The following STK32C variants were observed in gnomAD, a reference collection of about 807,000 sequenced individuals.
STK32C encodes the protein serine/threonine-protein kinase 32C.
STK32C carries 31 observed loss-of-function variants against 56.5 expected under a neutral mutation model. The observed-to-expected ratio is 0.55, with a 90% CI of 0.41 to 0.74. The LOEUF (loss-of-function observed/expected upper bound fraction) is 0.74, where lower values mean the gene tolerates loss of function less well. STK32C is among the 30% of genes least tolerant of loss of function. The pLI is 0.00. For missense variants in STK32C, 544 were observed against 676.9 expected (o/e 0.80, Z 2.18); for synonymous variants, 309 against 289.4 (o/e 1.07, Z -0.69).
At chr10:132,298,422 T>C (rs904888621) in intron 1 of STK32C, among the ~76,000 whole-genome samples, 2 of 152,264 alleles carry the variant, frequency 1.3e-5, no homozygotes, top group Admixed American at 6.5e-5. Flanking sequence ...TGAGGACGGC[T>C]GTGGTGGTGT....
At chr10:132,262,242 T>G (rs143159817) in intron 1 of STK32C, among the ~76,000 whole-genome samples, 7 of 152,260 alleles carry the variant, frequency 4.6e-5, no homozygotes, top group African/African-American at 1.7e-4. Flanking sequence ...GCGAGCCACA[T>G]GAGGAAGAAT....
intron 1 of STK32C, among the ~76,000 whole-genome samples, chr10:132,261,005 G>A (rs2064284755): frequency 6.6e-6 from 1 of 152,248 alleles, no homozygotes; most frequent in African/African-American, 2.4e-5. Flanking sequence ...GGGGCTGGGG[G>A]AAGCTGTCCG....
chr10:132,323,633 A>G (rs2066448644), downstream of STK32C, among the ~76,000 whole-genome samples: 1 of 152,206 alleles, frequency 6.6e-6, no homozygotes, highest in African/African-American at 2.4e-5. The surrounding 1 kb of genome is among the most constrained non-coding windows in gnomAD (Gnocchi z 4.8). Context: ...GGTGGGGTGC[A>G]TGGGGATTGG....
chr10:132,264,354 C>G (rs10735664), intron 1 of STK32C, among the ~76,000 whole-genome samples: 120,421 of 152,204 alleles, frequency 0.79, 48,325 homozygotes, highest in African/African-American at 0.87. Flanking sequence ...CATGTGGATG[C>G]CATCACATGG....
At chr10:132,252,642 G>A (rs1251038943) in intron 1 of STK32C, among the ~76,000 whole-genome samples, 1 of 152,226 alleles carries the variant, frequency 6.6e-6, no homozygotes, top group Non-Finnish European at 1.5e-5. Flanking sequence ...CGGCGGGCGT[G>A]GGATGGACGG....
At chr10:132,290,149 G>A (rs1016656416) in intron 1 of STK32C, among the ~76,000 whole-genome samples, 4 of 152,256 alleles carry the variant, frequency 2.6e-5, no homozygotes, top group Admixed American at 2.6e-4. Flanking sequence ...ACCCCAAGAA[G>A]AACCCCGGGA....
chr10:132,322,966 T>G (rs575389592), downstream of STK32C, among the ~76,000 whole-genome samples: 3 of 152,300 alleles, frequency 2.0e-5, no homozygotes, highest in South Asian at 6.2e-4. Flanking sequence ...AAAGAACAGA[T>G]AGCTGGTTCT....
chr10:132,330,287 C>G, intron 1 of STK32C: 1 of 606,708 alleles, frequency 1.6e-6, no homozygotes, highest in Admixed American at 2.7e-5. Context: ...GGAATACGCT[C>G]AAATGGTTAG....
intron 1 of STK32C, among the ~76,000 whole-genome samples, chr10:132,246,559 C>A (rs548861713): frequency 6.6e-6 from 1 of 152,188 alleles, no homozygotes; most frequent in Admixed American, 6.5e-5. Context: ...CTGCGCCCAG[C>A]ATGAGAGCCG....
intron 10 of STK32C, among the ~76,000 whole-genome samples, chr10:132,220,468 T>G (rs943755565): frequency 6.6e-6 from 1 of 152,240 alleles, no homozygotes; most frequent in Non-Finnish European, 1.5e-5. Flanking sequence ...ATTGTGAATA[T>G]CACATTCACA....
rs2064061929 is a variant in STK32C at position 132,255,115 on chromosome 10, G to A, written c.263-9160C>T. On this transcript the variant is annotated intron_variant, in intron 1 of 11. Transcript: ENST00000298630. This position sits in a 1 kb window ranked among gnomAD's most constrained non-coding sequence, Gnocchi z 4.6. ...GTCACAAAGATCAAATGTCACACGTGGTTGAAACACACGCAGAAGTTGATT... is the reference window on the plus strand; with the variant it reads ...GTCACAAAGATCAAATGTCACACGTAGTTGAAACACACGCAGAAGTTGATT... 6.6e-6 allele frequency among the ~76,000 whole-genome samples: 1 copy of A among 152,180 alleles called. No individual in the cohort carries two copies. Among genetic ancestry groups the A allele is most frequent in the African/African-American group, 2.4e-5 (1 of 41,432 alleles).
At chr10:132,221,735 C>T (rs1347867904) in intron 10 of STK32C, among the ~76,000 whole-genome samples, 23 of 136,978 alleles carry the variant, frequency 1.7e-4, no homozygotes, top group Middle Eastern at 5.1e-3. Context: ...GAGGGCTTCA[C>T]ATGGCCGTCC....
At chr10:132,243,454 G>C (rs534999906) in intron 2 of STK32C, among the ~76,000 whole-genome samples, 1 of 152,108 alleles carries the variant, frequency 6.6e-6, no homozygotes, top group African/African-American at 2.4e-5. Context: ...GCGGAGGGCA[G>C]GCTGGACGAA....
In STK32C at chr10:132,225,809, G is replaced by C. The variant is rs540990409; in HGVS notation, c.645-25C>G. On this transcript the variant is annotated intron_variant, in intron 4 of 11. Coordinates refer to ENST00000298630, the MANE Select transcript of STK32C (RefSeq NM_173575.4). ...TCTAGAAAGAGCAGAAAGTGGGAAG[G>C]TGAGTTGGGAATCTGCCCTGTTTCT... The C allele has an allele frequency of 3.6e-4, 575 of 1,613,492 alleles. 6 individuals carry two copies. The South Asian group carries it at 5.8e-3, about 16-fold the overall frequency.
At chr10:132,251,702 TC>T (rs2063913317) in intron 1 of STK32C, among the ~76,000 whole-genome samples, 2 of 149,968 alleles carry the variant, frequency 1.3e-5, no homozygotes, top group South Asian at 4.2e-4. Context: ...TCCTGGGGCC[TC>T]CGACCCTCCA....
chr10:132,299,942 G>A (rs1032718204), intron 1 of STK32C, among the ~76,000 whole-genome samples: 2 of 152,260 alleles, frequency 1.3e-5, no homozygotes, highest in Non-Finnish European at 2.9e-5. Flanking sequence ...GGCACAGGGA[G>A]AGGCAGAGGT....
At chr10:132,328,352 G>C (rs1348878724) in intron 1 of STK32C, among the ~76,000 whole-genome samples, 2 of 152,152 alleles carry the variant, frequency 1.3e-5, no homozygotes, top group Admixed American at 6.5e-5. Context: ...GGTCTGGGTG[G>C]TGTCGGCTGA....
rs187563629 is a variant in STK32C at position 132,287,351 on chromosome 10, C to T, written c.262+20221G>A. Among the ~76,000 whole-genome samples the T allele has an allele frequency of 3.0e-3, 454 of 151,708 alleles. 8 individuals carry two copies. In the South Asian group the frequency reaches 0.049, roughly 16 times the overall value. On this transcript the variant is annotated intron_variant, in intron 1 of 11. Transcript: ENST00000298630. The stretch of plus-strand genomic sequence containing the variant: ...ACTAAAAATACAAAAATTAGCTGAG[C>T]GTGGTGGTGTGAGTCTGTAATCCCA...
In STK32C at chr10:132,207,639, G is replaced by A. The variant is rs755691123; in HGVS notation, c.*371C>T. On this transcript the variant is annotated 3_prime_UTR_variant, in exon 12 of 12. Coordinates refer to ENST00000298630, the MANE Select transcript of STK32C (RefSeq NM_173575.4). The stretch of plus-strand genomic sequence containing the variant: ...CCTGAGCCGAGCCTGGGGCACCCGC[G>A]GCCTGTGCTGCAAGGGTCACCTTGT... 8.1e-5 allele frequency: 16 copies of A among 197,242 alleles called. No homozygotes were observed. The highest frequency in any genetic ancestry group is 1.2e-4 in the Non-Finnish European group (12 of 98,358). The allele number at this position is 197,242 out of a possible 1,614,324, so 12.2% of individuals were successfully genotyped here.
Sources: gnomAD v4.1 joint callset for allele counts (sites outside exome capture counted in the v4.1 genomes callset) on GRCh38, gnomAD v4.1.1 for gene constraint, Gnocchi (gnomAD v3.1) non-coding constraint, MANE v1.5 for transcripts, NCBI Gene and HGNC (gene_info 2026-07-23, HGNC 2026-07-21) for gene names.